The following ZBTB44 variants were observed in gnomAD, a reference collection of about 807,000 sequenced individuals.
The protein encoded by ZBTB44 is zinc finger and BTB domain-containing protein 44.
A neutral mutation model predicts 54.0 loss-of-function variants in ZBTB44; 15 were observed. That is an observed-to-expected ratio of 0.28 (90% CI 0.19 to 0.43). ZBTB44 has a LOEUF of 0.43. ZBTB44 is among the 20% of genes least tolerant of loss of function. The pLI is 1.00. For synonymous variants in ZBTB44, 230 were observed against 250.1 expected, an observed-to-expected ratio of 0.92 and a Z score of 0.76; for missense variants, 487 against 707.1, an observed-to-expected ratio of 0.69 and a Z score of 3.53.
In ZBTB44 at chr11:130,306,872, G is replaced by A. The variant is rs913787936; in HGVS notation, c.-57+7503C>T. Among the ~76,000 whole-genome samples the A allele has an allele frequency of 1.1e-4, 16 of 152,004 alleles. No homozygotes were observed. The East Asian group carries it at 1.9e-3, about 18-fold the overall frequency. Reference sequence around the variant, plus strand: ...CGCAAAAGCATATGAAGGATATAACGGACTTTGGGGACTTGGAGGGAAGGG... The same window carrying A: ...CGCAAAAGCATATGAAGGATATAACAGACTTTGGGGACTTGGAGGGAAGGG... On this transcript the variant is annotated intron_variant, in intron 1 of 7. Coordinates refer to ENST00000357899, the MANE Select transcript of ZBTB44 (RefSeq NM_001301098.2).
Position 130,246,416 on chromosome 11 carries a change from C to G in ZBTB44, c.1019-6520G>C, listed in dbSNP as rs146376586. Among the ~76,000 whole-genome samples the G allele has an allele frequency of 7.5e-4, 114 of 152,174 alleles. 2 individuals are homozygous for G. In the East Asian group the frequency reaches 0.021, roughly 28 times the overall value. Reference sequence around the variant, plus strand: ...GATTCTGTTCTCAGTGGTAGTGAGGCTAAGAATTCTGGTCAGACACTTTTC... The same window carrying G: ...GATTCTGTTCTCAGTGGTAGTGAGGGTAAGAATTCTGGTCAGACACTTTTC... On this transcript the variant is annotated intron_variant, in intron 2 of 7. Transcript: ENST00000357899.
chr11:130,280,691 G>A (rs1940437129), intron 1 of ZBTB44, among the ~76,000 whole-genome samples: 1 of 152,182 alleles, frequency 6.6e-6, no homozygotes, highest in African/African-American at 2.4e-5. Flanking sequence ...ATTGGTAACA[G>A]AAAGGTAATT....
At chr11:130,305,944 G>GT (rs986106953) in intron 1 of ZBTB44, among the ~76,000 whole-genome samples, 2 of 151,242 alleles carry the variant, frequency 1.3e-5, no homozygotes, top group Non-Finnish European at 2.9e-5. Context: ...CAAAAAATGG[G>GT]TTAAAAAAAA....
chr11:130,252,809 C>T (rs1455068797), intron 2 of ZBTB44, among the ~76,000 whole-genome samples: 2 of 152,130 alleles, frequency 1.3e-5, no homozygotes, highest in Admixed American at 1.3e-4. Flanking sequence ...ATGCAAAAAT[C>T]CTCAATAAAA....
At chr11:130,272,330 T>C (rs10466623) in intron 1 of ZBTB44, among the ~76,000 whole-genome samples, 21,059 of 152,246 alleles carry the variant, frequency 0.14, 1,821 homozygotes, top group Middle Eastern at 0.24. Flanking sequence ...TGTGAAGTGG[T>C]ATCTCACTGT....
At chr11:130,291,055 T>A (rs945001943) in intron 1 of ZBTB44, among the ~76,000 whole-genome samples, 13 of 152,168 alleles carry the variant, frequency 8.5e-5, no homozygotes, top group Non-Finnish European at 1.5e-4. Context: ...CTTTTTGGAA[T>A]TCCCTCCTCA....
Position 130,277,789 on chromosome 11 carries a change from A to G in ZBTB44, c.-56-15860T>C, listed in dbSNP as rs555255401. 5.9e-5 allele frequency among the ~76,000 whole-genome samples: 9 copies of G among 152,142 alleles called. No homozygotes were observed. In the East Asian group the frequency reaches 1.7e-3, roughly 29 times the overall value. On this transcript the variant is annotated intron_variant, in intron 1 of 7. Coordinates refer to ENST00000357899, the MANE Select transcript of ZBTB44 (RefSeq NM_001301098.2). ...AAAAATTCCTTTGATGTTCCTTGTA[A>G]AGTGGGTCAGCTAGCAACAAATTTT...
At chr11:130,255,375 G>T (rs1000846704) in intron 2 of ZBTB44, among the ~76,000 whole-genome samples, 2 of 152,086 alleles carry the variant, frequency 1.3e-5, no homozygotes, top group African/African-American at 4.8e-5. Context: ...AAGAGACAAG[G>T]TACCAGAATC....
intron 1 of ZBTB44, among the ~76,000 whole-genome samples, chr11:130,295,155 T>C (rs1227204869): frequency 1.3e-5 from 2 of 152,258 alleles, no homozygotes; most frequent in African/African-American, 2.4e-5. Flanking sequence ...GAACCTAAAG[T>C]TGCAGGGGCC....
At chr11:130,243,021 G>A (rs1045035215) in intron 2 of ZBTB44, among the ~76,000 whole-genome samples, 15 of 152,102 alleles carry the variant, frequency 9.9e-5, no homozygotes, top group African/African-American at 2.4e-4. Flanking sequence ...AAATGTTCAC[G>A]GAGATTTTAA....
chr11:130,283,681 G>T (rs1940704535), intron 1 of ZBTB44, among the ~76,000 whole-genome samples: 1 of 151,936 alleles, frequency 6.6e-6, no homozygotes, highest in African/African-American at 2.4e-5. Context: ...AAAAGGCAAA[G>T]CAGGCCAGGC....
At chr11:130,267,622 G>A (rs111300995) in intron 1 of ZBTB44, among the ~76,000 whole-genome samples, 1,970 of 152,076 alleles carry the variant, frequency 0.013, 47 homozygotes, top group African/African-American at 0.045. Flanking sequence ...TCCCTATGTT[G>A]CCCAGGCTGG....
At chr11:130,298,991 G>C (rs1941840974) in intron 1 of ZBTB44, among the ~76,000 whole-genome samples, 1 of 152,044 alleles carries the variant, frequency 6.6e-6, no homozygotes, top group Non-Finnish European at 1.5e-5. Context: ...GCAGAGGTGA[G>C]AGGATTTGTT....
At chr11:130,304,980 A>C (rs1428170234) in intron 1 of ZBTB44, among the ~76,000 whole-genome samples, 1 of 152,198 alleles carries the variant, frequency 6.6e-6, no homozygotes, top group African/African-American at 2.4e-5. Flanking sequence ...CCGAGAATCA[A>C]ATCAAGAACG....
chr11:130,281,516 A>AAATAAATAAAT (rs1940503081), intron 1 of ZBTB44, among the ~76,000 whole-genome samples: 17 of 138,842 alleles, frequency 1.2e-4, no homozygotes, highest in African/African-American at 4.9e-4. Flanking sequence ...ACCCTGTCTC[A>AAATAAATAAAT]AAATAAATAA....
chr11:130,293,088 TCA>T (rs34648821), intron 1 of ZBTB44, among the ~76,000 whole-genome samples: 1 of 152,194 alleles, frequency 6.6e-6, no homozygotes, highest in Non-Finnish European at 1.5e-5. Flanking sequence ...GATCTTTATT[TCA>T]CACTAGTTTA....
intron 2 of ZBTB44, among the ~76,000 whole-genome samples, chr11:130,248,326 T>C (rs1422798566): frequency 1.3e-5 from 2 of 152,158 alleles, no homozygotes; most frequent in African/African-American, 2.4e-5. Context: ...ATTAGTACAT[T>C]TGCCATGAAG....
At chr11:130,301,375 C>T (rs1446124350) in intron 1 of ZBTB44, among the ~76,000 whole-genome samples, 2 of 152,068 alleles carry the variant, frequency 1.3e-5, no homozygotes, top group East Asian at 1.9e-4. Flanking sequence ...ACGTGGAGGC[C>T]GAGTATGCTG....
intron 1 of ZBTB44, among the ~76,000 whole-genome samples, chr11:130,313,218 C>A (rs2134574775): frequency 6.6e-6 from 1 of 152,282 alleles, no homozygotes; most frequent in South Asian, 2.1e-4. Flanking sequence ...AGTTGTAATT[C>A]TTCGTATCAC....
Sources: allele counts gnomAD v4.1 joint callset (sites outside exome capture counted in the v4.1 genomes callset), GRCh38; gene constraint gnomAD v4.1.1; transcripts MANE v1.5; gene names NCBI Gene and HGNC (gene_info 2026-07-23, HGNC 2026-07-21).